CD38: variants seen among roughly 807,000 people sequenced by gnomAD.
CD38 encodes CD38 molecule, also known as ADP-ribosyl cyclase/cyclic ADP-ribose hydrolase 1.
In CD38, 31 loss-of-function variants were observed where a neutral mutation model predicts 36.3. That is an observed-to-expected ratio of 0.85 (90% CI 0.64 to 1.15). The LOEUF (loss-of-function observed/expected upper bound fraction) is 1.15, where lower values mean the gene tolerates loss of function less well. Ranked by LOEUF, CD38 falls within the 50% of genes most tolerant of loss-of-function variation. CD38 has a pLI of 0.00. For synonymous variants in CD38, 131 were observed against 135.2 expected, an observed-to-expected ratio of 0.97 and a Z score of 0.22; for missense variants, 380 against 371.9, an observed-to-expected ratio of 1.02 and a Z score of -0.18.
At chr4:15,814,581 A>G (rs1013827184) in intron 1 of CD38, among the ~76,000 whole-genome samples, 1 of 152,146 alleles carries the variant, frequency 6.6e-6, no homozygotes, top group Non-Finnish European at 1.5e-5. Flanking sequence ...TAGGTTTTAC[A>G]TTTAAGTGTT....
chr4:15,799,017 G>T (rs138643680), intron 1 of CD38, among the ~76,000 whole-genome samples: 5 of 152,232 alleles, frequency 3.3e-5, no homozygotes, highest in African/African-American at 9.6e-5. Context: ...ATTTACTAAA[G>T]ATTTAAATAT....
intron 4 of CD38, among the ~76,000 whole-genome samples, chr4:15,837,470 G>T (rs1308486327): frequency 6.6e-6 from 1 of 152,092 alleles, no homozygotes; most frequent in Admixed American, 6.6e-5. Flanking sequence ...TAGTCCCAGG[G>T]GTTGGGGAGG....
At chr4:15,815,738 A>G (rs970681949) in intron 1 of CD38, among the ~76,000 whole-genome samples, 1 of 152,154 alleles carries the variant, frequency 6.6e-6, no homozygotes, top group Admixed American at 6.5e-5. Context: ...CTCTCTTCCT[A>G]TATGAGTACA....
intron 1 of CD38, among the ~76,000 whole-genome samples, chr4:15,799,388 C>T (rs978001831): frequency 2.0e-5 from 3 of 152,186 alleles, no homozygotes; most frequent in Non-Finnish European, 4.4e-5. Context: ...ACCACTGCCA[C>T]GTTGTTTAAA....
chr4:15,804,535 A>G (rs1366856002), intron 1 of CD38, among the ~76,000 whole-genome samples: 1 of 152,218 alleles, frequency 6.6e-6, no homozygotes, highest in East Asian at 1.9e-4. Flanking sequence ...GTGTCTATCA[A>G]CAGATGAAGA....
At chr4:15,824,685 CACA>C (rs1723808385) in intron 2 of CD38, among the ~76,000 whole-genome samples, 193 bp from the exon 3 acceptor site, 1 of 111,206 alleles carries the variant, frequency 9.0e-6, no homozygotes, top group African/African-American at 4.8e-5. Flanking sequence ...ACCTAGAACA[CACA>C]CACACACACA....
rs1277212892 is a variant in CD38 at position 15,850,062 on chromosome 4, T to A, written c.*1460T>A. 3.3e-5 allele frequency: 5 copies of A among 152,094 alleles called. No individual in the cohort carries two copies. Among genetic ancestry groups the A allele is most frequent in the Non-Finnish European group, 7.4e-5 (5 of 68,012 alleles). 9.4% of individuals were successfully genotyped at this position (152,094 alleles called of 1,614,324 possible). On this transcript the variant is annotated 3_prime_UTR_variant, in exon 8 of 8. Transcript: ENST00000226279. ...TGGCTCACACCTGTATCCCCAGCAC[T>A]TTGGGAGGCCGAGACGGGAGGATCG...
intron 4 of CD38, among the ~76,000 whole-genome samples, chr4:15,835,796 G>T (rs1029790311): frequency 6.6e-6 from 1 of 152,190 alleles, no homozygotes; most frequent in Non-Finnish European, 1.5e-5. Context: ...ACAGGGGTGA[G>T]CCACTGCACC....
At chr4:15,835,031 G>C (rs1436385110) in intron 4 of CD38, among the ~76,000 whole-genome samples, 4 of 152,152 alleles carry the variant, frequency 2.6e-5, no homozygotes, top group Admixed American at 2.6e-4. Flanking sequence ...TCATTTCTTT[G>C]TGTTGGGAGC....
intron 4 of CD38, among the ~76,000 whole-genome samples, chr4:15,835,078 A>G (rs1016459849): frequency 2.0e-5 from 3 of 152,110 alleles, no homozygotes; most frequent in African/African-American, 7.2e-5. Context: ...GAAACTACAT[A>G]TTATTAACTG....
At chr4:15,822,667 C>T (rs879164197) in intron 2 of CD38, among the ~76,000 whole-genome samples, 2 of 152,140 alleles carry the variant, frequency 1.3e-5, no homozygotes, top group Non-Finnish European at 2.9e-5. Context: ...TAATCCACTG[C>T]TCAAGGAAAT....
chr4:15,835,638 A>G (rs941502987), intron 4 of CD38, among the ~76,000 whole-genome samples: 1 of 151,144 alleles, frequency 6.6e-6, no homozygotes, highest in African/African-American at 2.4e-5. Context: ...TTGGCCTCCC[A>G]AGGTGCTAAG....
At chr4:15,795,400 G>A (rs960284187) in intron 1 of CD38, among the ~76,000 whole-genome samples, 2 of 151,940 alleles carry the variant, frequency 1.3e-5, no homozygotes, top group African/African-American at 4.8e-5. Context: ...AGACCAAAAA[G>A]GTGAAAACTG....
chr4:15,848,499 C>T, intron 7 of CD38, 40 bp from the exon 8 acceptor site: 1 of 1,513,376 alleles, frequency 6.6e-7, no homozygotes, highest in Non-Finnish European at 9.2e-7. Context: ...CAGATGTATC[C>T]TACGGTCTCT....
Position 15,778,694 on chromosome 4 carries a change from G to C in CD38, c.233+47G>C, listed in dbSNP as rs1041478881. On this transcript the variant is annotated intron_variant, in intron 1 of 7. Coordinates refer to ENST00000226279, the MANE Select transcript of CD38 (RefSeq NM_001775.4). The surrounding 1 kb of genome is among the most constrained non-coding windows in gnomAD (Gnocchi z 4.9). ...ACCGGTGGGCACTGCGGGGACAGCA[G>C]GGCCCCGCGCGCAGGGAAGCCGCCC... 1 of 1,361,230 alleles carries C rather than the reference G, an allele frequency of 7.3e-7. No homozygotes were observed. The highest frequency in any genetic ancestry group is 1.2e-5 in the South Asian group (1 of 84,248). 84.3% of individuals were successfully genotyped at this position (1,361,230 alleles called of 1,614,324 possible).
At chr4:15,782,856 C>A (rs1722728256) in intron 1 of CD38, among the ~76,000 whole-genome samples, 1 of 152,202 alleles carries the variant, frequency 6.6e-6, no homozygotes. Context: ...CTAACAGTCT[C>A]CTTTAGAACT....
chr4:15,818,524 A>T (rs1444214709), intron 2 of CD38, among the ~76,000 whole-genome samples: 1 of 152,196 alleles, frequency 6.6e-6, no homozygotes, highest in Non-Finnish European at 1.5e-5. Context: ...TTGCCTCCTC[A>T]AGTGAGTCCC....
chr4:15,834,784 T>A (rs757248736), intron 4 of CD38, among the ~76,000 whole-genome samples: 20 of 152,320 alleles, frequency 1.3e-4, no homozygotes, highest in African/African-American at 4.6e-4. Context: ...ACAAGGAATC[T>A]ACTAAATGTA....
rs183339492 is a variant in CD38 at position 15,827,070 on chromosome 4, G to C, written c.499+2054G>C. 2.3e-3 allele frequency among the ~76,000 whole-genome samples: 351 copies of C among 152,222 alleles called. 2 individuals are homozygous for C. The highest frequency in any genetic ancestry group is 7.7e-4 in the East Asian group (4 of 5,174). On this transcript the variant is annotated intron_variant, in intron 3 of 7. Coordinates refer to ENST00000226279, the MANE Select transcript of CD38 (RefSeq NM_001775.4). ...AAAGTGCCAGTGTTCCATGTGCTACGTAAGTAGTCACTCATTTAATCCTCC... is the reference window on the plus strand; with the variant it reads ...AAAGTGCCAGTGTTCCATGTGCTACCTAAGTAGTCACTCATTTAATCCTCC...
Sources: allele counts gnomAD v4.1 joint callset (sites outside exome capture counted in the v4.1 genomes callset), GRCh38; gene constraint gnomAD v4.1.1; non-coding constraint Gnocchi (gnomAD v3.1); transcripts MANE v1.5; gene names NCBI Gene and HGNC (gene_info 2026-07-23, HGNC 2026-07-21).